The following ATXN7 variants were observed in gnomAD, a reference collection of about 807,000 sequenced individuals.
ATXN7 encodes the protein ataxin-7.
ATXN7 carries 12 observed loss-of-function variants against 70.5 expected under a neutral mutation model. That is an observed-to-expected ratio of 0.17 (90% CI 0.11 to 0.28). ATXN7 has a LOEUF of 0.28. Ranked by LOEUF, ATXN7 falls within the 10% of genes least tolerant of loss-of-function variation. ATXN7 has a pLI of 1.00. For synonymous variants in ATXN7, 498 were observed against 448.7 expected, an observed-to-expected ratio of 1.11 and a Z score of -1.39; for missense variants, 1,256 against 1,131.7, an observed-to-expected ratio of 1.11 and a Z score of -1.58.
upstream of ATXN7, chr3:63,863,716 A>C (rs1702301808): frequency 8.0e-7 from 1 of 1,248,086 alleles, no homozygotes; most frequent in Non-Finnish European, 1.0e-6. Context: ...CAGGGGTCTC[A>C]GGGGAGGCCC....
intron 5 of ATXN7, among the ~76,000 whole-genome samples, chr3:63,963,055 A>G (rs1325108630): frequency 1.3e-5 from 2 of 151,772 alleles, no homozygotes; most frequent in Non-Finnish European, 2.9e-5. Context: ...ACCTGGGACT[A>G]CAGGCACACG....
intron 4 of ATXN7, among the ~76,000 whole-genome samples, chr3:63,925,103 G>C (rs73117047): frequency 6.6e-6 from 1 of 152,112 alleles, no homozygotes; most frequent in Non-Finnish European, 1.5e-5. Context: ...AAAAGCATAT[G>C]GATTCAGTTG....
At chr3:63,898,127 C>T (rs187363643) in intron 1 of ATXN7, among the ~76,000 whole-genome samples, 1 of 151,786 alleles carries the variant, frequency 6.6e-6, no homozygotes, top group Admixed American at 6.6e-5. Flanking sequence ...AAATTATATA[C>T]AATGATTTTA....
intron 5 of ATXN7, among the ~76,000 whole-genome samples, chr3:63,978,622 A>G (rs568476117): frequency 3.9e-5 from 6 of 152,258 alleles, no homozygotes; most frequent in Admixed American, 1.3e-4. Flanking sequence ...ACAAAAAGCA[A>G]AAGGCACTTA....
At chr3:63,885,691 G>A (rs1703065729) in intron 1 of ATXN7, among the ~76,000 whole-genome samples, 1 of 152,062 alleles carries the variant, frequency 6.6e-6, no homozygotes, top group African/African-American at 2.4e-5. Context: ...AGTCAATCTT[G>A]GTATCCATCA....
At chr3:63,931,010 T>G (rs1704932237) in intron 4 of ATXN7, among the ~76,000 whole-genome samples, 1 of 152,178 alleles carries the variant, frequency 6.6e-6, no homozygotes, top group African/African-American at 2.4e-5. Context: ...AATGATGCTG[T>G]TTCAAAGAAC....
At position 63,982,199 on chromosome 3, in the gene ATXN7, G is replaced by A; in HGVS notation, c.766G>A (p.Val256Met). The A allele has an allele frequency of 6.2e-7, 1 of 1,614,126 alleles. No homozygotes were observed. The highest frequency in any genetic ancestry group is 8.5e-7 in the Non-Finnish European group (1 of 1,180,038). The change falls in exon 7 of 13, where the codon GTG (valine) becomes ATG (methionine). Residue 256 changes from valine (V) to methionine (M), a missense_variant. Transcript: ENST00000674280. ...CTCCTGTGACAGCATGACACCCTCT[G>A]TGAAAGTGGAAAAGATTCATCCGAA... Reference protein sequence around the residue: ...VPHGRIMTPSVKVEKIHPKMD... With the variant: ...VPHGRIMTPSMKVEKIHPKMD...
intron 4 of ATXN7, 37 bp from the exon 5 acceptor site, chr3:63,952,342 C>A: frequency 6.6e-7 from 1 of 1,509,752 alleles, no homozygotes; most frequent in Non-Finnish European, 9.1e-7. Flanking sequence ...TCAGTCAGAA[C>A]CAGATGAGTG....
chr3:63,931,659 T>A (rs994975027), intron 4 of ATXN7, among the ~76,000 whole-genome samples: 1 of 152,182 alleles, frequency 6.6e-6, no homozygotes, highest in Non-Finnish European at 1.5e-5. Context: ...CAAATACCCT[T>A]GACTGTATTT....
intron 5 of ATXN7, among the ~76,000 whole-genome samples, chr3:63,961,352 A>G (rs1421240925): frequency 1.3e-5 from 2 of 152,106 alleles, no homozygotes; most frequent in Non-Finnish European, 2.9e-5. Flanking sequence ...ACTCCTGTTG[A>G]TGGACACTTA....
In ATXN7 at chr3:63,988,178, G is replaced by A. The variant is rs1384733045; in HGVS notation, c.1215G>A (p.Gln405=). 1.9e-6 allele frequency: 3 copies of A among 1,613,916 alleles called. No individual in the cohort carries two copies. In the East Asian group the frequency reaches 6.7e-5, roughly 36 times the overall value. ...AATTGATTCGCCATCCGGACTCTCA[G>A]CAACCACCGCAGCCTCTCAGGGACC... ...EKELIRHPDS[Q]QPPQPLRDPH... Residue 405 remains glutamine (Q), a synonymous_variant, in exon 9 of 13, where the codon CAG becomes CAA. Coordinates refer to ENST00000674280, the MANE Select transcript of ATXN7 (RefSeq NM_001377405.1).
intron 1 of ATXN7, among the ~76,000 whole-genome samples, chr3:63,871,627 CA>C (rs1285682368): frequency 6.6e-6 from 1 of 151,748 alleles, no homozygotes; most frequent in Non-Finnish European, 1.5e-5. Flanking sequence ...GAATATGCTG[CA>C]ATCTTTAAAA....
chr3:63,996,219 T>C lies in ATXN7; in HGVS notation c.2397T>C (p.Asp799=), dbSNP rs1294190288. ...TGAGTGTGATGGTGAACAGCAGTGA[T>C]TCTACTCTTTCTCTTGGGCCATTCA... is the stretch of plus-strand genomic sequence containing the variant. ...KRMSVMVNSS[D]STLSLGPFIH... The change falls in exon 12 of 13, where the codon GAT becomes GAC. Residue 799 remains aspartate (D), a synonymous_variant. Coordinates refer to ENST00000674280, the MANE Select transcript of ATXN7 (RefSeq NM_001377405.1). 6.2e-7 allele frequency: 1 copy of C among 1,614,056 alleles called. No individual in the cohort carries two copies. Among genetic ancestry groups the C allele is most frequent in the Non-Finnish European group, 8.5e-7 (1 of 1,180,042 alleles).
intron 8 of ATXN7, among the ~76,000 whole-genome samples, chr3:63,985,682 C>T (rs959146049): frequency 6.6e-6 from 1 of 152,176 alleles, no homozygotes. Context: ...TGTCTGTCTC[C>T]CATCCTCACT....
At chr3:63,943,736 G>T (rs2074809961) in intron 4 of ATXN7, among the ~76,000 whole-genome samples, 1 of 152,190 alleles carries the variant, frequency 6.6e-6, no homozygotes, top group Non-Finnish European at 1.5e-5. Context: ...AAAGAAGGAA[G>T]AAACTACAGA....
intron 5 of ATXN7, among the ~76,000 whole-genome samples, chr3:63,962,304 G>A (rs531097834): frequency 6.6e-6 from 1 of 152,116 alleles, no homozygotes; most frequent in African/African-American, 2.4e-5. Flanking sequence ...ACAATATAGA[G>A]TTCTTGGTTT....
At chr3:63,921,026 G>C (rs1184499848) in intron 4 of ATXN7, among the ~76,000 whole-genome samples, 2 of 152,216 alleles carry the variant, frequency 1.3e-5, no homozygotes, top group Non-Finnish European at 2.9e-5. Context: ...GAAAAAGGCA[G>C]AGGGTTACAT....
At chr3:63,963,108 G>T (rs1337323585) in intron 5 of ATXN7, among the ~76,000 whole-genome samples, 1 of 151,246 alleles carries the variant, frequency 6.6e-6, no homozygotes, top group East Asian at 2.0e-4. Flanking sequence ...TAGAGGCAGG[G>T]TTTCACCATG....
At chr3:63,871,695 A>G (rs1702595952) in intron 1 of ATXN7, among the ~76,000 whole-genome samples, 1 of 152,348 alleles carries the variant, frequency 6.6e-6, no homozygotes, top group African/African-American at 2.4e-5. Flanking sequence ...GAGACTATGT[A>G]TAAGATGGAA....
Sources: allele counts gnomAD v4.1 joint callset (sites outside exome capture counted in the v4.1 genomes callset), GRCh38; gene constraint gnomAD v4.1.1; transcripts MANE v1.5; gene names NCBI Gene and HGNC (gene_info 2026-07-23, HGNC 2026-07-21).